The following EIF2B5 variants were observed in gnomAD, a reference collection of about 807,000 sequenced individuals.
EIF2B5 encodes translation initiation factor eIF2B subunit epsilon.
A neutral mutation model predicts 87.3 loss-of-function variants in EIF2B5; 38 were observed. The ratio of observed to expected loss-of-function variants is 0.44; its 90% CI spans 0.34 to 0.57. The LOEUF is 0.57. Ranked by LOEUF, EIF2B5 falls within the 20% of genes least tolerant of loss-of-function variation. The pLI is 0.02. For synonymous variants in EIF2B5, 313 were observed against 339.6 expected (o/e 0.92, Z 0.86); for missense variants, 784 against 909.5 (o/e 0.86, Z 1.78).
In EIF2B5 at chr3:184,143,484, G is replaced by A; in HGVS notation, c.1788G>A (p.Leu596=). 2 of 1,614,198 alleles carry A rather than the reference G, an allele frequency of 1.2e-6. No homozygotes were observed. The highest frequency in any genetic ancestry group is 1.7e-6 in the Non-Finnish European group (2 of 1,180,034). ...GTCTAAAGGAGGTGATGCAGGTACT[G>A]AGCCACGTGGTCCTGGAGTTCCCCC... The part of the protein sequence containing the change: ...NISLKEVMQV[L]SHVVLEFPLQ... The change falls in exon 13 of 16, where the codon CTG becomes CTA. Residue 596 remains leucine (L), a synonymous_variant. Coordinates refer to ENST00000648915, the MANE Select transcript of EIF2B5 (RefSeq NM_003907.3).
chr3:184,144,723 C>T lies in EIF2B5; in HGVS notation c.2106+16C>T. ...GAATCAACAGGTGCGTCAGGCTGTCCTCCTCTCGCCAAGATGGTTATCTCA... is the reference window on the plus strand; with the variant it reads ...GAATCAACAGGTGCGTCAGGCTGTCTTCCTCTCGCCAAGATGGTTATCTCA... On this transcript the variant is annotated intron_variant, in intron 15 of 15. Coordinates refer to ENST00000648915, the MANE Select transcript of EIF2B5 (RefSeq NM_003907.3). 6.2e-7 allele frequency: 1 copy of T among 1,608,930 alleles called. No homozygotes were observed. Among genetic ancestry groups the T allele is most frequent in the African/African-American group, 1.3e-5 (1 of 74,984 alleles).
At chr3:184,139,199 G>C (rs1713504018) in intron 5 of EIF2B5, among the ~76,000 whole-genome samples, 1 of 150,076 alleles carries the variant, frequency 6.7e-6, no homozygotes, top group Admixed American at 6.7e-5. Context: ...TCTAACTCCT[G>C]ACCTCAGGTG....
chr3:184,143,946 C>T, intron 13 of EIF2B5, 153 bp from the exon 14 acceptor site: 1 of 1,213,736 alleles, frequency 8.2e-7, no homozygotes, highest in South Asian at 1.3e-5. Context: ...TTCCCAAACC[C>T]TGTCAACAAC....
chr3:184,140,758 C>T (rs761798128), intron 7 of EIF2B5, 28 bp downstream of exon 7: 1 of 1,613,046 alleles, frequency 6.2e-7, no homozygotes, highest in Non-Finnish European at 8.5e-7. Flanking sequence ...ATCAAGCCAA[C>T]TATCCTAGGA....
rs2109006308 is a variant in EIF2B5, at chr3:184,136,624, C to T, written c.208C>T (p.Leu70=). Residue 70 remains leucine (L), a synonymous_variant, in exon 2 of 16, where the codon CTG becomes TTG. Coordinates refer to ENST00000648915, the MANE Select transcript of EIF2B5 (RefSeq NM_003907.3). The part of the protein sequence containing the change: ...SKDQPRVLLP[L]ANVALIDYTL... ...TTGTATCCTTCAGGTCCTCTTGCCC[C>T]TGGCCAATGTGGCATTAATTGACTA... 1.2e-6 allele frequency: 2 copies of T among 1,614,190 alleles called. No individual in the cohort carries two copies. The highest frequency in any genetic ancestry group is 1.7e-6 in the Non-Finnish European group (2 of 1,180,036).
In EIF2B5 at chr3:184,138,179, G is replaced by A. The variant is rs1445160010; in HGVS notation, c.698G>A (p.Gly233Asp). The change falls in exon 5 of 16, where the codon GGC (glycine) becomes GAC (aspartate). Residue 233 changes from glycine to aspartate, a missense_variant. Around this residue, in one of 3 missense-constraint regions of EIF2B5, gnomAD observed 660 missense variants for 789.5 expected, o/e 0.84. Transcript: ENST00000648915. ...TTCTCCCCACAGAGCCTGTTTCAGG[G>A]CAGTAGTGATGGAGTGGAGGTTCGA... Reference protein sequence around the residue: ...RFAFPLSLFQGSSDGVEVRYD... With the variant: ...RFAFPLSLFQDSSDGVEVRYD... 11 of 1,614,152 alleles carry A rather than the reference G, an allele frequency of 6.8e-6. No individual in the cohort carries two copies. The highest frequency in any genetic ancestry group is 9.3e-6 in the Non-Finnish European group (11 of 1,180,044).
chr3:184,135,972 C>G (rs1387737386), intron 1 of EIF2B5: 7 of 262,622 alleles, frequency 2.7e-5, no homozygotes, highest in Admixed American at 2.0e-4. Context: ...TTAAAAAGAG[C>G]GGGCTAGATC....
At position 184,137,780 on chromosome 3, in the gene EIF2B5, A is replaced by G. The variant is rs147923183; in HGVS notation, c.481A>G (p.Ile161Val). 4 of 1,614,086 alleles carry G rather than the reference A, an allele frequency of 2.5e-6. No individual in the cohort carries two copies. In the African/African-American group the frequency reaches 4.0e-5, roughly 16 times the overall value. ...VYGDVISNIN[I>V]TRALEEHRLR... ...TGGGGATGTCATCTCAAACATCAAT[A>G]TCACCAGAGCCCTTGAGGAACACAG... is the stretch of plus-strand genomic sequence containing the variant. The change falls in exon 3 of 16, where the codon ATC becomes GTC. Residue 161 changes from isoleucine to valine, a missense_variant. Ile to Val is a conservative substitution (Grantham distance 29). Coordinates refer to ENST00000648915, the MANE Select transcript of EIF2B5 (RefSeq NM_003907.3).
Position 184,145,231 on chromosome 3 carries a change from G to A in EIF2B5, c.*288G>A. On this transcript the variant is annotated 3_prime_UTR_variant, in exon 16 of 16. Coordinates refer to ENST00000648915, the MANE Select transcript of EIF2B5 (RefSeq NM_003907.3). The surrounding 1 kb of genome is among the most constrained non-coding windows in gnomAD (Gnocchi z 4.0). ...GCCAGAGGAACAGCTTTGTGCTCCG[G>A]CTTTCCCTCAGGGAACAGCAGAGAG... 1.9e-6 allele frequency: 1 copy of A among 522,002 alleles called. No homozygotes were observed. The highest frequency in any genetic ancestry group is 3.5e-6 in the Non-Finnish European group (1 of 287,414). The allele number at this position is 522,002 out of a possible 1,614,324, so 32.3% of individuals were successfully genotyped here.
chr3:184,137,105 G>A (rs1279891878), intron 2 of EIF2B5: 2 of 347,142 alleles, frequency 5.8e-6, no homozygotes, highest in South Asian at 2.5e-5. Context: ...ATATAAATGA[G>A]CTCCTTGTCA....
At position 184,138,980 on chromosome 3, in the gene EIF2B5, G is replaced by A. The variant is rs528583461; in HGVS notation, c.765+734G>A. ...TTTTTTTGTTGTTGTTGTTGTTATT[G>A]TTGTTTTGAGATGGAGCCTCGCTCT... On this transcript the variant is annotated intron_variant, in intron 5 of 15. Coordinates refer to ENST00000648915, the MANE Select transcript of EIF2B5 (RefSeq NM_003907.3). 9.0e-5 allele frequency: 21 copies of A among 232,404 alleles called. No individual in the cohort carries two copies. In the East Asian group the frequency reaches 3.7e-3, roughly 41 times the overall value. The allele number at this position is 232,404 out of a possible 1,614,324, so 14.4% of individuals were successfully genotyped here.
chr3:184,144,851 C>A, intron 15 of EIF2B5, 33 bp from the exon 16 acceptor site: 1 of 1,611,188 alleles, frequency 6.2e-7, no homozygotes, highest in Non-Finnish European at 8.5e-7. Context: ...ATGTGCACCT[C>A]CCCCAGCCGA....
At chr3:184,138,313 T>G (rs1433253920) in intron 5 of EIF2B5, 67 bp downstream of exon 5, 2 of 1,358,638 alleles carry the variant, frequency 1.5e-6, no homozygotes, top group African/African-American at 2.9e-5. Flanking sequence ...TATTGTCCCC[T>G]TAGAAGGCCA....
intron 7 of EIF2B5, 137 bp downstream of exon 7, chr3:184,140,867 A>G (rs1057034112): frequency 4.0e-6 from 4 of 1,004,246 alleles, no homozygotes; most frequent in Non-Finnish European, 6.0e-6. Context: ...TACCTCAGGA[A>G]AGGAGGAAAC....
At chr3:184,139,064 G>A (rs1461981626) in intron 5 of EIF2B5, 3 of 175,152 alleles carry the variant, frequency 1.7e-5, no homozygotes, top group African/African-American at 4.8e-5. Flanking sequence ...CCACCTCCTG[G>A]GTTCCAGTGA....
Position 184,142,654 on chromosome 3 carries a change from A to G in EIF2B5, c.1546+51A>G, listed in dbSNP as rs768182653. On this transcript the variant is annotated intron_variant, in intron 10 of 15. Coordinates refer to ENST00000648915, the MANE Select transcript of EIF2B5 (RefSeq NM_003907.3). This position sits in a 1 kb window ranked among gnomAD's most constrained non-coding sequence, Gnocchi z 5.0. The stretch of plus-strand genomic sequence containing the variant: ...TCTCCTCCTGAATCGGAATATTTTG[A>G]AGGATAATGAATACTTCAGAGTCAC... 3 of 1,578,646 alleles carry G rather than the reference A, an allele frequency of 1.9e-6. No individual in the cohort carries two copies. In the South Asian group the frequency reaches 3.4e-5, roughly 18 times the overall value.
At position 184,145,071 on chromosome 3, in the gene EIF2B5, T is replaced by C. The variant is rs14955; in HGVS notation, c.*128T>C. On this transcript the variant is annotated 3_prime_UTR_variant, in exon 16 of 16. Transcript: ENST00000648915. The surrounding 1 kb of genome is among the most constrained non-coding windows in gnomAD (Gnocchi z 4.0). ...GGCTGAGACTGAAAGGAGCAGAGGC[T>C]GGAACTACAGTATTCTTTCCCCTGC... 24,424 of 846,912 alleles carry C rather than the reference T, an allele frequency of 0.029. 428 individuals are homozygous for C. Among genetic ancestry groups the C allele is most frequent in the Middle Eastern group, 0.049 (148 of 3,048 alleles). The allele number at this position is 846,912 out of a possible 1,614,324, so 52.5% of individuals were successfully genotyped here. A position where few individuals can be genotyped will look rare whatever the true frequency, so the allele number is the denominator to read the frequency against.
Position 184,142,992 on chromosome 3 carries a change from G to T in EIF2B5, c.1655-60G>T. On this transcript the variant is annotated intron_variant, in intron 11 of 15. Coordinates refer to ENST00000648915, the MANE Select transcript of EIF2B5 (RefSeq NM_003907.3). The surrounding 1 kb of genome is among the most constrained non-coding windows in gnomAD (Gnocchi z 5.0). ...AGGGTTTGGTATCGAGTCAAGACTA[G>T]ATGACTTAGAGCATTCTGAATGATG... 6.3e-7 allele frequency: 1 copy of T among 1,584,690 alleles called. No homozygotes were observed. Among genetic ancestry groups the T allele is most frequent in the Non-Finnish European group, 8.6e-7 (1 of 1,158,462 alleles).
At chr3:184,139,763 A>G (rs1018123843) in intron 5 of EIF2B5, among the ~76,000 whole-genome samples, 3 of 151,354 alleles carry the variant, frequency 2.0e-5, no homozygotes, top group Non-Finnish European at 4.4e-5. Context: ...CACGCTTGTA[A>G]TCCCAGCACT....
Sources: gnomAD v4.1 joint callset for allele counts (sites outside exome capture counted in the v4.1 genomes callset) on GRCh38, gnomAD v4.1.1 for gene constraint, gnomAD v4.1.1 regional missense constraint, Gnocchi (gnomAD v3.1) non-coding constraint, MANE v1.5 for transcripts, NCBI Gene and HGNC (gene_info 2026-07-23, HGNC 2026-07-21) for gene names.